The following SHISA8 variants were observed in gnomAD, a reference collection of about 807,000 sequenced individuals.
SHISA8 encodes the protein protein shisa-8.
SHISA8 carries 21 observed loss-of-function variants against 21.1 expected under a neutral mutation model. The ratio of observed to expected loss-of-function variants is 0.99; its 90% CI spans 0.71 to 1.43. The LOEUF (loss-of-function observed/expected upper bound fraction) is 1.43, where lower values mean the gene tolerates loss of function less well. Among genes scored for constraint, SHISA8 ranks in the 40% most tolerant of loss-of-function variants. The probability of loss-of-function intolerance (pLI) is 0.00; values close to 1 mark genes in which losing one functional copy is unlikely to be tolerated. For synonymous variants in SHISA8, 300 were observed against 291.4 expected (o/e 1.03, Z -0.30); for missense variants, 535 against 599.1 (o/e 0.89, Z 1.12).
In SHISA8 at chr22:41,909,580, G is replaced by T; in HGVS notation, c.*185C>A. ...ACGCTGGGGCTTCTTTATTCTCAGG[G>T]GCAGGAACCACATAAAAGGGCTTAT... On this transcript the variant is annotated 3_prime_UTR_variant, in exon 4 of 4. Coordinates refer to ENST00000621082, the MANE Select transcript of SHISA8 (RefSeq NM_001207020.3). 1.4e-6 allele frequency: 1 copy of T among 719,944 alleles called. No individual in the cohort carries two copies. 44.6% of individuals were successfully genotyped at this position (719,944 alleles called of 1,614,324 possible).
In SHISA8 at chr22:41,911,322, C is replaced by G. The variant is rs1220006676; in HGVS notation, c.558G>C (p.Pro186=). ...TRALTELLKQ[P]GPQEPLPPTL... ...TGGGAGGCAGTGGCTCCTGGGGGCC[C>G]GGCTGCTTCAGAAGCTCTGTCAGCG... is the stretch of plus-strand genomic sequence containing the variant. The change falls in exon 2 of 4, where the codon CCG becomes CCC. Residue 186 remains proline (P), a synonymous_variant. Transcript: ENST00000621082. 3.2e-6 allele frequency: 4 copies of G among 1,245,532 alleles called. No individual in the cohort carries two copies. Among genetic ancestry groups the G allele is most frequent in the Non-Finnish European group, 4.0e-6 (4 of 993,848 alleles). 77.2% of individuals were successfully genotyped at this position (1,245,532 alleles called of 1,614,324 possible). A position where few individuals can be genotyped will look rare whatever the true frequency, so the allele number is the denominator to read the frequency against.
Position 41,909,873 on chromosome 22 carries a change from A to C in SHISA8, c.1086T>G (p.Ser362Arg). 6.5e-6 allele frequency: 10 copies of C among 1,530,308 alleles called. No individual in the cohort carries two copies. The highest frequency in any genetic ancestry group is 8.7e-6 in the Non-Finnish European group (10 of 1,144,520). The allele number at this position is 1,530,308 out of a possible 1,614,324, so 94.8% of individuals were successfully genotyped here. ...RPGHAARRQF[S>R]VKMPETFNPQ... is the part of the protein sequence containing the mutation. ...GGTTGAAGGTCTCAGGCATCTTCACACTGAACTGGCGCCGGGCCGCGTGCC... is the reference window on the plus strand; with the variant it reads ...GGTTGAAGGTCTCAGGCATCTTCACCCTGAACTGGCGCCGGGCCGCGTGCC... The change falls in exon 4 of 4, where the codon AGT becomes AGG. Residue 362 changes from serine (S) to arginine (R), a missense_variant. Coordinates refer to ENST00000621082, the MANE Select transcript of SHISA8 (RefSeq NM_001207020.3).
In SHISA8 at chr22:41,914,673, C is replaced by A; in HGVS notation, c.-6G>T. On this transcript the variant is annotated 5_prime_UTR_variant, in exon 1 of 4. Coordinates refer to ENST00000621082, the MANE Select transcript of SHISA8 (RefSeq NM_001207020.3). This position sits in a 1 kb window ranked among gnomAD's most constrained non-coding sequence, Gnocchi z 6.8. ...CGCGCCCCGGCCCGCGCCATCGGGCCCGCGCCTCCCGCTACTGCGCCCGGT... is the reference window on the plus strand; with the variant it reads ...CGCGCCCCGGCCCGCGCCATCGGGCACGCGCCTCCCGCTACTGCGCCCGGT... 8 of 1,016,384 alleles carry A rather than the reference C, an allele frequency of 7.9e-6. No individual in the cohort carries two copies. Among genetic ancestry groups the A allele is most frequent in the Non-Finnish European group, 9.4e-6 (8 of 851,986 alleles). 63.0% of individuals were successfully genotyped at this position (1,016,384 alleles called of 1,614,324 possible). A position where few individuals can be genotyped will look rare whatever the true frequency, so the allele number is the denominator to read the frequency against.
In SHISA8 at chr22:41,914,127, C is replaced by G; in HGVS notation, c.530+11G>C. ...GGAGCAGGCGGGGGTCCCTGGGCGG[C>G]GCGTGCTCACCTGGTCACTGTGCGC... On this transcript the variant is annotated intron_variant, in intron 1 of 3. Transcript: ENST00000621082. This position sits in a 1 kb window ranked among gnomAD's most constrained non-coding sequence, Gnocchi z 6.8. 1 of 1,391,746 alleles carries G rather than the reference C, an allele frequency of 7.2e-7. No individual in the cohort carries two copies. The allele number at this position is 1,391,746 out of a possible 1,614,324, so 86.2% of individuals were successfully genotyped here.
Position 41,910,554 on chromosome 22 carries a change from T to A in SHISA8, c.665A>T (p.Asp222Val), listed in dbSNP as rs1250592283. The change falls in exon 3 of 4, where the codon GAC (aspartate) becomes GTC (valine). Residue 222 changes from aspartate to valine, a missense_variant and splice_region_variant. Coordinates refer to ENST00000621082, the MANE Select transcript of SHISA8 (RefSeq NM_001207020.3). The surrounding 1 kb of genome is among the most constrained non-coding windows in gnomAD (Gnocchi z 6.8). ...GGGCGCGTTGTTGAGGCGCTTCTTGTCTGGAGCGAGGAGTGAGACGCGGCT... is the reference window on the plus strand; with the variant it reads ...GGGCGCGTTGTTGAGGCGCTTCTTGACTGGAGCGAGGAGTGAGACGCGGCT... The part of the protein sequence containing the change: ...LPRGSPHNSA[D>V]KKRLNNAPRG... 4.1e-6 allele frequency: 5 copies of A among 1,229,018 alleles called. No individual in the cohort carries two copies. The East Asian group carries it at 9.7e-5, about 24-fold the overall frequency. The allele number at this position is 1,229,018 out of a possible 1,614,324, so 76.1% of individuals were successfully genotyped here. A position where few individuals can be genotyped will look rare whatever the true frequency, so the allele number is the denominator to read the frequency against.
chr22:41,911,386 C>A, intron 1 of SHISA8, 37 bp from the exon 2 acceptor site: 1 of 1,235,514 alleles, frequency 8.1e-7, no homozygotes, highest in Non-Finnish European at 1.0e-6. Flanking sequence ...CCTCTGTCTC[C>A]CACCTCATCA....
At chr22:41,913,788 C>A (rs913978440) in intron 1 of SHISA8, among the ~76,000 whole-genome samples, 24 of 152,110 alleles carry the variant, frequency 1.6e-4, no homozygotes, top group Admixed American at 1.1e-3. Flanking sequence ...GACGCCCGGT[C>A]ACCTCCCTGG....
chr22:41,912,949 G>A (rs2077561609), intron 1 of SHISA8, among the ~76,000 whole-genome samples: 1 of 152,204 alleles, frequency 6.6e-6, no homozygotes, highest in Non-Finnish European at 1.5e-5. Context: ...CCCTGTCAAA[G>A]ACATATCCAG....
Position 41,910,626 on chromosome 22 carries a change from A to G in SHISA8, c.665-72T>C. On this transcript the variant is annotated intron_variant, in intron 2 of 3. Coordinates refer to ENST00000621082, the MANE Select transcript of SHISA8 (RefSeq NM_001207020.3). The surrounding 1 kb of genome is among the most constrained non-coding windows in gnomAD (Gnocchi z 6.8). ...TCCGCCCTCGCTGTCACCTCTCCGT[A>G]GTCCTCTCCCCGAGGCCGTTCGGTG... The G allele has an allele frequency of 8.3e-7, 1 of 1,210,282 alleles. No individual in the cohort carries two copies. The highest frequency in any genetic ancestry group is 4.2e-5 in the South Asian group (1 of 23,742). 75.0% of individuals were successfully genotyped at this position (1,210,282 alleles called of 1,614,324 possible). A position where few individuals can be genotyped will look rare whatever the true frequency, so the allele number is the denominator to read the frequency against.
At position 41,910,651 on chromosome 22, in the gene SHISA8, G is replaced by A; in HGVS notation, c.665-97C>T. On this transcript the variant is annotated intron_variant, in intron 2 of 3. Coordinates refer to ENST00000621082, the MANE Select transcript of SHISA8 (RefSeq NM_001207020.3). This position sits in a 1 kb window ranked among gnomAD's most constrained non-coding sequence, Gnocchi z 6.8. The stretch of plus-strand genomic sequence containing the variant: ...AGTCCTCTCCCCGAGGCCGTTCGGT[G>A]AGAACCTGGGGGACCGTTCTCCGGG... 3 of 1,188,850 alleles carry A rather than the reference G, an allele frequency of 2.5e-6. No individual in the cohort carries two copies. Among genetic ancestry groups the A allele is most frequent in the Non-Finnish European group, 3.1e-6 (3 of 955,764 alleles). The allele number at this position is 1,188,850 out of a possible 1,614,324, so 73.6% of individuals were successfully genotyped here.
chr22:41,914,796 T>A lies in SHISA8; in HGVS notation c.-129A>T, dbSNP rs2077577109. On this transcript the variant is annotated 5_prime_UTR_variant, in exon 1 of 4. Transcript: ENST00000621082. This position sits in a 1 kb window ranked among gnomAD's most constrained non-coding sequence, Gnocchi z 6.8. ...CACGCCGCCTCGGCCGTCGGCCTCC[T>A]CTGGGGACCCCAGCCCCGAGTGGGC... The A allele has an allele frequency of 1.4e-6, 1 of 690,074 alleles. No homozygotes were observed. The allele number at this position is 690,074 out of a possible 1,614,324, so 42.7% of individuals were successfully genotyped here. A position where few individuals can be genotyped will look rare whatever the true frequency, so the allele number is the denominator to read the frequency against.
At chr22:41,911,149 G>A (rs1214481392) in intron 2 of SHISA8, 67 bp downstream of exon 2, 2 of 1,246,670 alleles carry the variant, frequency 1.6e-6, no homozygotes, top group Non-Finnish European at 2.0e-6. Context: ...CCGAGGGACC[G>A]CCTCTCGGCC....
rs1309429507 is a variant in SHISA8, at chr22:41,915,012, C to T, written c.-345G>A. 6.6e-6 allele frequency among the ~76,000 whole-genome samples: 1 copy of T among 151,740 alleles called. No homozygotes were observed. The highest frequency in any genetic ancestry group is 1.5e-5 in the Non-Finnish European group (1 of 67,864). On this transcript the variant is annotated 5_prime_UTR_variant, in exon 1 of 4. Transcript: ENST00000621082. This position sits in a 1 kb window ranked among gnomAD's most constrained non-coding sequence, Gnocchi z 5.0. The stretch of plus-strand genomic sequence containing the variant: ...GTCTTGGCCCTAGCGGAGGCCGCGC[C>T]GGGGCCGCGGGCCGCCCGACTGCGC...
rs982811725 is a variant in SHISA8, at chr22:41,914,740, G to T, written c.-73C>A. ...CGGCTCCCTCCGGCTCGGCTCCTCC[G>T]CTCCCGCAGGGATCGCGCTGGCTCC... On this transcript the variant is annotated 5_prime_UTR_variant, in exon 1 of 4. Transcript: ENST00000621082. The surrounding 1 kb of genome is among the most constrained non-coding windows in gnomAD (Gnocchi z 6.8). 9.3e-6 allele frequency: 9 copies of T among 964,488 alleles called. No individual in the cohort carries two copies. The East Asian group carries it at 8.3e-4, about 89-fold the overall frequency. The allele number at this position is 964,488 out of a possible 1,614,324, so 59.7% of individuals were successfully genotyped here. A position where few individuals can be genotyped will look rare whatever the true frequency, so the allele number is the denominator to read the frequency against.
rs1334547332 is a variant in SHISA8 at position 41,909,749 on chromosome 22, G to T, written c.*16C>A. 2 of 1,431,336 alleles carry T rather than the reference G, an allele frequency of 1.4e-6. No homozygotes were observed. Among genetic ancestry groups the T allele is most frequent in the African/African-American group, 2.9e-5 (2 of 67,954 alleles). 88.7% of individuals were successfully genotyped at this position (1,431,336 alleles called of 1,614,324 possible). On this transcript the variant is annotated 3_prime_UTR_variant, in exon 4 of 4. Coordinates refer to ENST00000621082, the MANE Select transcript of SHISA8 (RefSeq NM_001207020.3). ...CAGGACCCCAGCCCATGCCTCGAGGGCACCGCGGCCCCGCTTCACACGGTG... is the reference window on the plus strand; with the variant it reads ...CAGGACCCCAGCCCATGCCTCGAGGTCACCGCGGCCCCGCTTCACACGGTG...
Position 41,914,174 on chromosome 22 carries a change from C to T in SHISA8, c.494G>A (p.Arg165Lys), listed in dbSNP as rs1169306209. Residue 165 changes from arginine to lysine, a missense_variant, in exon 1 of 4, where the codon AGG becomes AAG. Arg to Lys is a conservative substitution (Grantham distance 26). Transcript: ENST00000621082. This position sits in a 1 kb window ranked among gnomAD's most constrained non-coding sequence, Gnocchi z 6.8. ...AGIGARLGLE[R>K]AHSPRARRTV... ...GCGCCGCGCGCGCGGGCTGTGCGCC[C>T]TCTCCAGTCCCAGGCGCGCCCCGAT... 7 of 1,461,486 alleles carry T rather than the reference C, an allele frequency of 4.8e-6. No individual in the cohort carries two copies. Among genetic ancestry groups the T allele is most frequent in the South Asian group, 2.7e-5 (2 of 75,470 alleles). The allele number at this position is 1,461,486 out of a possible 1,614,324, so 90.5% of individuals were successfully genotyped here.
Position 41,909,899 on chromosome 22 carries a change from C to A in SHISA8, c.1060G>T (p.Gly354Trp). Reference sequence around the variant, plus strand: ...CTGAACTGGCGCCGGGCCGCGTGCCCGGGTCGCCGGGGTACCTGGAAGGCC... The same window carrying A: ...CTGAACTGGCGCCGGGCCGCGTGCCAGGGTCGCCGGGGTACCTGGAAGGCC... ...ARAFQVPRRP[G>W]HAARRQFSVK... is the part of the protein sequence containing the mutation. Residue 354 changes from glycine to tryptophan, a missense_variant, in exon 4 of 4, where the codon GGG becomes TGG. Transcript: ENST00000621082. 1 of 1,527,396 alleles carries A rather than the reference C, an allele frequency of 6.5e-7. No homozygotes were observed. The highest frequency in any genetic ancestry group is 2.5e-5 in the East Asian group (1 of 40,126). 94.6% of individuals were successfully genotyped at this position (1,527,396 alleles called of 1,614,324 possible).
rs1470199872 is a variant in SHISA8 at position 41,910,695 on chromosome 22, C to T, written c.665-141G>A. On this transcript the variant is annotated intron_variant, in intron 2 of 3. Transcript: ENST00000621082. This position sits in a 1 kb window ranked among gnomAD's most constrained non-coding sequence, Gnocchi z 6.8. The stretch of plus-strand genomic sequence containing the variant: ...CTCCGGGCGAGGCTGCGAGCCAAGC[C>T]TGTCTTCGCCGCAGCCTCCAGCGCC... 4.7e-6 allele frequency: 5 copies of T among 1,058,654 alleles called. No individual in the cohort carries two copies. The African/African-American group carries it at 6.6e-5, about 14-fold the overall frequency. 65.6% of individuals were successfully genotyped at this position (1,058,654 alleles called of 1,614,324 possible).
chr22:41,910,092 C>T lies in SHISA8; in HGVS notation c.867G>A (p.Arg289=), dbSNP rs1452233292. 4 of 1,239,238 alleles carry T rather than the reference C, an allele frequency of 3.2e-6. No individual in the cohort carries two copies. Among genetic ancestry groups the T allele is most frequent in the Non-Finnish European group, 4.0e-6 (4 of 994,682 alleles). The allele number at this position is 1,239,238 out of a possible 1,614,324, so 76.8% of individuals were successfully genotyped here. ...QRFPALEPSP[R]QPPARAPRPS... is the part of the protein sequence containing the mutation. ...GTCGCGGAGCCCGCGCCGGGGGTTG[C>T]CGCGGGGACGGCTCGAGGGCGGGGA... is the stretch of plus-strand genomic sequence containing the variant. Residue 289 remains arginine (R), a synonymous_variant, in exon 4 of 4, where the codon CGG becomes CGA. Coordinates refer to ENST00000621082, the MANE Select transcript of SHISA8 (RefSeq NM_001207020.3). This position sits in a 1 kb window ranked among gnomAD's most constrained non-coding sequence, Gnocchi z 6.8.
Sources: allele counts gnomAD v4.1 joint callset (sites outside exome capture counted in the v4.1 genomes callset), GRCh38; gene constraint gnomAD v4.1.1; non-coding constraint Gnocchi (gnomAD v3.1); transcripts MANE v1.5; gene names NCBI Gene and HGNC (gene_info 2026-07-23, HGNC 2026-07-21).